Variants in MAGI2 observed in about 807,000 individuals in gnomAD.
MAGI2 encodes the protein membrane associated guanylate kinase, WW and PDZ domain containing 2.
MAGI2 carries 35 observed loss-of-function variants against 133.3 expected under a neutral mutation model. The observed-to-expected ratio is 0.26, with a 90% CI of 0.20 to 0.35. MAGI2 has a LOEUF of 0.35. Ranked by LOEUF, MAGI2 falls within the 10% of genes least tolerant of loss-of-function variation. MAGI2 has a pLI of 1.00. For missense variants in MAGI2, 1,636 were observed against 1,863.4 expected, an observed-to-expected ratio of 0.88 and a Z score of 2.25; for synonymous variants, 729 against 710.6, an observed-to-expected ratio of 1.03 and a Z score of -0.41.
intron 7 of MAGI2, among the ~76,000 whole-genome samples, chr7:78,367,127 A>ACACACACACACACAC (rs1554369024): frequency 4.6e-5 from 7 of 151,812 alleles, no homozygotes; most frequent in South Asian, 2.1e-4. Flanking sequence ...ACACACACAC[A>ACACACACACACACAC]AATTTGAAGT....
At chr7:78,454,094 A>C (rs534517532) in intron 6 of MAGI2, among the ~76,000 whole-genome samples, 1 of 152,280 alleles carries the variant, frequency 6.6e-6, no homozygotes, top group Non-Finnish European at 1.5e-5. Context: ...CTGTCACTGT[A>C]CCATGTGCCC....
chr7:79,359,713 CAG>C (rs1491491988), intron 1 of MAGI2, among the ~76,000 whole-genome samples: 1 of 135,518 alleles, frequency 7.4e-6, no homozygotes, highest in Non-Finnish European at 1.6e-5. Flanking sequence ...CACACACACA[CAG>C]AAAACAAAAA....
intron 1 of MAGI2, among the ~76,000 whole-genome samples, chr7:79,272,795 T>C (rs1275940976): frequency 6.6e-6 from 1 of 152,116 alleles, no homozygotes; most frequent in Non-Finnish European, 1.5e-5. Flanking sequence ...ACAAATGATC[T>C]AGTTAATTGA....
chr7:78,224,964 AC>A (rs1015378672), intron 10 of MAGI2, among the ~76,000 whole-genome samples: 2 of 151,778 alleles, frequency 1.3e-5, no homozygotes, highest in African/African-American at 2.4e-5. Flanking sequence ...TCTGGCTGCT[AC>A]CCCCGCCTTC....
At chr7:78,195,252 A>G (rs1828615170) in intron 11 of MAGI2, among the ~76,000 whole-genome samples, 189 bp from the exon 12 acceptor site, 1 of 152,198 alleles carries the variant, frequency 6.6e-6, no homozygotes. Flanking sequence ...TGTTATAAAT[A>G]CAAGTGGTGC....
intron 2 of MAGI2, among the ~76,000 whole-genome samples, chr7:78,656,147 T>C (rs191705526): frequency 3.3e-5 from 5 of 152,288 alleles, no homozygotes; most frequent in East Asian, 3.9e-4. Context: ...CAAGGACTTA[T>C]GTACCTGACA....
At chr7:78,104,119 C>T (rs1030254481) in intron 20 of MAGI2, among the ~76,000 whole-genome samples, 27 of 152,254 alleles carry the variant, frequency 1.8e-4, no homozygotes, top group Non-Finnish European at 3.5e-4. Flanking sequence ...AGTGGCTGGC[C>T]ATTACTAATG....
chr7:78,358,314 T>A (rs1792378135), intron 7 of MAGI2: 2 of 149,770 alleles, frequency 1.3e-5, no homozygotes. Flanking sequence ...AACCTGGTGC[T>A]CAGTGGCCAA....
At chr7:78,036,327 A>C (rs1346138259) in intron 21 of MAGI2, among the ~76,000 whole-genome samples, 2 of 152,224 alleles carry the variant, frequency 1.3e-5, no homozygotes, top group Non-Finnish European at 2.9e-5. Flanking sequence ...ACTGTTAAAA[A>C]ATTAAAATTA....
intron 3 of MAGI2, among the ~76,000 whole-genome samples, chr7:78,604,157 C>T (rs145210446): frequency 1.7e-4 from 26 of 152,122 alleles, no homozygotes; most frequent in East Asian, 1.2e-3. Context: ...GGTATCAAAA[C>T]GATGAGTAGG....
chr7:78,631,030 G>T (rs904215050), intron 2 of MAGI2, among the ~76,000 whole-genome samples: 1 of 152,000 alleles, frequency 6.6e-6, no homozygotes, highest in African/African-American at 2.4e-5. Flanking sequence ...TCCTCATGGT[G>T]GCTGAGCACA....
chr7:78,452,571 G>GA (rs1443139287), intron 6 of MAGI2, among the ~76,000 whole-genome samples: 18 of 151,110 alleles, frequency 1.2e-4, no homozygotes, highest in Admixed American at 4.0e-4. Context: ...CTTTTTCTGG[G>GA]AAAAAAACCA....
intron 4 of MAGI2, among the ~76,000 whole-genome samples, chr7:78,511,931 T>TAAAA (rs369351062): frequency 0.016 from 2,298 of 145,544 alleles, 24 homozygotes; most frequent in Middle Eastern, 0.045. Flanking sequence ...TCGTCTCTAC[T>TAAAA]AAAAAAAAAA....
At chr7:78,260,972 A>G (rs1255494602) in intron 9 of MAGI2, among the ~76,000 whole-genome samples, 3 of 152,108 alleles carry the variant, frequency 2.0e-5, no homozygotes, top group East Asian at 1.9e-4. Flanking sequence ...TGCTTTAATT[A>G]GAGTTATTTT....
intron 3 of MAGI2, among the ~76,000 whole-genome samples, chr7:78,573,024 T>C (rs1478061219): frequency 1.1e-5 from 1 of 88,308 alleles, no homozygotes; most frequent in African/African-American, 5.0e-5. Flanking sequence ...GATATATATA[T>C]GCATATGTAT....
rs111961805 is a variant in MAGI2 at position 78,987,109 on chromosome 7, A to G, written c.418+19981T>C. On this transcript the variant is annotated intron_variant, in intron 2 of 21. Transcript: ENST00000354212. ...ACTTGGAGGGCATTAATTTTCATAC[A>G]GAAGGTCAATACAACTGGTGTGGTG... is the stretch of plus-strand genomic sequence containing the variant. Among the ~76,000 whole-genome samples, 496 of 152,168 alleles carry G rather than the reference A, an allele frequency of 3.3e-3. 3 individuals carry two copies. The highest frequency in any genetic ancestry group is 0.01 in the African/African-American group (435 of 41,558).
At chr7:78,691,287 C>T (rs1816929261) in intron 2 of MAGI2, among the ~76,000 whole-genome samples, 1 of 152,194 alleles carries the variant, frequency 6.6e-6, no homozygotes, top group Admixed American at 6.5e-5. Flanking sequence ...GACATCTTAA[C>T]ATTCCCCACT....
chr7:78,287,278 C>A (rs1248766269), intron 9 of MAGI2, among the ~76,000 whole-genome samples: 2 of 152,054 alleles, frequency 1.3e-5, no homozygotes, highest in African/African-American at 4.8e-5. Context: ...ATGTGGAGTT[C>A]AGAGAGAAGG....
At chr7:78,239,944 C>T (rs1168903214) in intron 10 of MAGI2, among the ~76,000 whole-genome samples, 2 of 152,044 alleles carry the variant, frequency 1.3e-5, no homozygotes, top group African/African-American at 2.4e-5. Flanking sequence ...TGAAGAGATG[C>T]GTGCACTCCC....
Sources: allele counts gnomAD v4.1 joint callset (sites outside exome capture counted in the v4.1 genomes callset), GRCh38; gene constraint gnomAD v4.1.1; transcripts MANE v1.5; gene names NCBI Gene and HGNC (gene_info 2026-07-23, HGNC 2026-07-21).